CBR4: variants seen among roughly 807,000 people sequenced by gnomAD.
CBR4 encodes the protein 3-oxoacyl-[acyl-carrier-protein] reductase.
Under a neutral mutation model 21.0 loss-of-function variants are expected in CBR4, and 22 were observed. The ratio of observed to expected loss-of-function variants is 1.05; its 90% CI spans 0.75 to 1.50. The LOEUF (loss-of-function observed/expected upper bound fraction) is 1.50, where lower values mean the gene tolerates loss of function less well. Among genes scored for constraint, CBR4 ranks in the 40% most tolerant of loss-of-function variants. CBR4 has a pLI of 0.00. For synonymous variants in CBR4, 100 were observed against 104.4 expected (o/e 0.96, Z 0.26); for missense variants, 302 against 286.3 (o/e 1.05, Z -0.40).
chr4:168,992,151 GCTTATGAATGACA>G (rs1340838125), intron 4 of CBR4, among the ~76,000 whole-genome samples: 1 of 152,182 alleles, frequency 6.6e-6, no homozygotes, highest in African/African-American at 2.4e-5. Context: ...CTATCATGAA[GCTTATGAATGACA>G]CTTTCATTAG....
chr4:168,913,813 A>C lies in CBR4; in HGVS notation n.170-19048T>G, dbSNP rs116560543. On this transcript the variant is annotated intron_variant and non_coding_transcript_variant, in intron 2 of 3. Transcript: ENST00000509108. ...AAGGGTTAGTCATTACTCAAATGGC[A>C]TACTGAATTTTTTATGAAATAATGT... The C allele has an allele frequency of 1.3e-3, 1,010 of 783,398 alleles. 9 individuals carry two copies. In the African/African-American group the frequency reaches 0.015, roughly 12 times the overall value. The allele number at this position is 783,398 out of a possible 1,614,324, so 48.5% of individuals were successfully genotyped here.
intron 3 of CBR4, 107 bp downstream of exon 3, chr4:169,006,638 TCCACAGATAA>T: frequency 4.1e-6 from 4 of 975,616 alleles, no homozygotes; most frequent in Admixed American, 4.6e-5. Flanking sequence ...AATCCTTTTT[TCCACAGATAA>T]TATAAATTTC....
intron 2 of CBR4, among the ~76,000 whole-genome samples, chr4:168,980,150 G>A (rs960292810): frequency 6.6e-6 from 1 of 151,986 alleles, no homozygotes; most frequent in Non-Finnish European, 1.5e-5. Flanking sequence ...GACGGAAAGA[G>A]AACAAAAAGT....
At chr4:168,954,070 A>G (rs1291169126) in intron 2 of CBR4, among the ~76,000 whole-genome samples, 1 of 152,136 alleles carries the variant, frequency 6.6e-6, no homozygotes, top group East Asian at 1.9e-4. Context: ...AGAAAGAGAG[A>G]TTTATGGAAT....
At position 168,926,288 on chromosome 4, in the gene CBR4, C is replaced by A; in HGVS notation, n.170-31523G>T. 1 of 1,537,122 alleles carries A rather than the reference C, an allele frequency of 6.5e-7. No homozygotes were observed. Among genetic ancestry groups the A allele is most frequent in the Non-Finnish European group, 8.7e-7 (1 of 1,146,790 alleles). ...TCAGCCAGTCGCTATGCAGCACTTT[C>A]GGACCAGGGACTAGACATCAAAGCA... On this transcript the variant is annotated intron_variant and non_coding_transcript_variant, in intron 2 of 3. Transcript: ENST00000509108.
intron 4 of CBR4, among the ~76,000 whole-genome samples, chr4:168,993,173 G>A (rs769561143): frequency 4.0e-5 from 6 of 150,718 alleles, no homozygotes; most frequent in East Asian, 1.9e-4. Flanking sequence ...GGGGGTTCTC[G>A]CTGTCCAAAG....
chr4:168,963,476 T>A (rs1192252162), intron 2 of CBR4, among the ~76,000 whole-genome samples: 1 of 151,414 alleles, frequency 6.6e-6, no homozygotes, highest in Non-Finnish European at 1.5e-5. Flanking sequence ...AAATCTTTTT[T>A]TTTTTTTTTT....
intron 2 of CBR4, among the ~76,000 whole-genome samples, chr4:168,964,150 C>T (rs1258527194): frequency 6.6e-6 from 1 of 152,170 alleles, no homozygotes; most frequent in Non-Finnish European, 1.5e-5. Context: ...GCATCTGAGC[C>T]ATCACAGAAC....
intron 2 of CBR4, among the ~76,000 whole-genome samples, chr4:168,895,397 T>A (rs551827332): frequency 1.2e-4 from 19 of 152,188 alleles, no homozygotes; most frequent in African/African-American, 4.6e-4. Context: ...AAAACAAAAC[T>A]AAAAACACAT....
At chr4:168,985,880 G>A (rs1226420568), downstream of CBR4, among the ~76,000 whole-genome samples, 1 of 152,056 alleles carries the variant, frequency 6.6e-6, no homozygotes, top group East Asian at 1.9e-4. Context: ...CACAAAAAAG[G>A]GAACAATACA....
chr4:168,917,835 ATAAT>A (rs1272317937), intron 2 of CBR4, among the ~76,000 whole-genome samples: 10 of 152,198 alleles, frequency 6.6e-5, no homozygotes, highest in South Asian at 2.1e-4. Context: ...TTTTTGGTCT[ATAAT>A]TAAGAATTAT....
At chr4:169,003,641 A>C (rs1330096999) in intron 3 of CBR4, among the ~76,000 whole-genome samples, 2 of 152,228 alleles carry the variant, frequency 1.3e-5, no homozygotes, top group East Asian at 3.8e-4. Context: ...TCTCTCACGA[A>C]ATGAAGAGTC....
At chr4:168,931,320 T>C (rs1409206613) in intron 2 of CBR4, among the ~76,000 whole-genome samples, 1 of 152,028 alleles carries the variant, frequency 6.6e-6, no homozygotes, top group Non-Finnish European at 1.5e-5. Context: ...GCCTACCCAG[T>C]GGAACTGTGC....
At chr4:168,979,313 C>T (rs1764469585) in intron 2 of CBR4, among the ~76,000 whole-genome samples, 1 of 151,620 alleles carries the variant, frequency 6.6e-6, no homozygotes, top group Admixed American at 6.5e-5. Flanking sequence ...CTACTGCCCT[C>T]TGGCTTGGAA....
chr4:168,929,952 G>C (rs527712697), intron 2 of CBR4, among the ~76,000 whole-genome samples: 2 of 152,198 alleles, frequency 1.3e-5, no homozygotes, highest in East Asian at 3.9e-4. Context: ...TGTGAACTTG[G>C]ATGGGAAAAA....
intron 4 of CBR4, among the ~76,000 whole-genome samples, chr4:168,993,593 T>A (rs988948968): frequency 2.0e-5 from 3 of 152,154 alleles, no homozygotes; most frequent in Non-Finnish European, 4.4e-5. Context: ...GCAGAATGAA[T>A]AAAAATTGTC....
intron 2 of CBR4, among the ~76,000 whole-genome samples, chr4:168,956,788 C>A (rs975084884): frequency 1.3e-5 from 2 of 151,990 alleles, no homozygotes; most frequent in African/African-American, 4.8e-5. Flanking sequence ...GCCAAAAGCA[C>A]GATTAGTTAC....
chr4:168,956,942 A>G (rs563631513), intron 2 of CBR4, among the ~76,000 whole-genome samples: 2 of 152,358 alleles, frequency 1.3e-5, no homozygotes, highest in Non-Finnish European at 2.9e-5. Context: ...ATCACCTTAT[A>G]GTAGATGAGT....
intron 2 of CBR4, among the ~76,000 whole-genome samples, chr4:168,953,207 C>A (rs975801535): frequency 6.6e-6 from 1 of 152,144 alleles, no homozygotes; most frequent in Non-Finnish European, 1.5e-5. Flanking sequence ...GGAAAGGCAG[C>A]AGTCACAGGC....
Sources: allele counts gnomAD v4.1 joint callset (sites outside exome capture counted in the v4.1 genomes callset), GRCh38; gene constraint gnomAD v4.1.1; transcripts MANE v1.5; gene names NCBI Gene and HGNC (gene_info 2026-07-23, HGNC 2026-07-21).